Variants in ATXN1 observed in about 807,000 individuals in gnomAD.
The protein encoded by ATXN1 is ataxin 1, also known as ataxin-1.
Under a neutral mutation model 56.4 loss-of-function variants are expected in ATXN1, and 8 were observed. That is an observed-to-expected ratio of 0.14 (90% CI 0.08 to 0.26). ATXN1 has a LOEUF of 0.26. Among genes scored for constraint, ATXN1 ranks in the 10% least tolerant of loss-of-function variants. The pLI is 1.00. For synonymous variants in ATXN1, 514 were observed against 494.6 expected, an observed-to-expected ratio of 1.04 and a Z score of -0.52; for missense variants, 987 against 1,106.5, an observed-to-expected ratio of 0.89 and a Z score of 1.53.
rs1051159215 is a variant in ATXN1 at position 16,370,511 on chromosome 6, C to T, written c.-160-42041G>A. Among the ~76,000 whole-genome samples, 4 of 152,120 alleles carry T rather than the reference C, an allele frequency of 2.6e-5. No homozygotes were observed. The East Asian group carries it at 7.7e-4, about 29-fold the overall frequency. ...AAACTAATATTTCTAATGTACAATG[C>T]ACAACTAAGATAGCTTTTTTCTGAT... is the stretch of plus-strand genomic sequence containing the variant. On this transcript the variant is annotated intron_variant, in intron 6 of 7. Coordinates refer to ENST00000436367, the MANE Select transcript of ATXN1 (RefSeq NM_001128164.2).
At chr6:16,319,456 C>T (rs1247986432) in intron 7 of ATXN1, among the ~76,000 whole-genome samples, 1 of 151,980 alleles carries the variant, frequency 6.6e-6, no homozygotes, top group Non-Finnish European at 1.5e-5. Flanking sequence ...GTGTGGGGGA[C>T]AAATAGTTGA....
At chr6:16,376,276 T>TGGAACAAA (rs1762139818) in intron 6 of ATXN1, among the ~76,000 whole-genome samples, 1 of 152,144 alleles carries the variant, frequency 6.6e-6, no homozygotes, top group Non-Finnish European at 1.5e-5. Context: ...AAAATTACAC[T>TGGAACAAA]CTGGACTGAA....
chr6:16,578,847 G>T (rs1311968776), intron 4 of ATXN1, among the ~76,000 whole-genome samples: 1 of 152,208 alleles, frequency 6.6e-6, no homozygotes, highest in Non-Finnish European at 1.5e-5. Flanking sequence ...CTATATTCCA[G>T]CAGTGACACA....
intron 5 of ATXN1, among the ~76,000 whole-genome samples, chr6:16,501,125 G>A (rs1199286769): frequency 2.0e-5 from 3 of 152,184 alleles, no homozygotes; most frequent in African/African-American, 4.8e-5. Context: ...ACATATGCAC[G>A]CATGCACACA....
chr6:16,426,351 T>C (rs992216669), intron 6 of ATXN1, among the ~76,000 whole-genome samples: 3 of 151,542 alleles, frequency 2.0e-5, no homozygotes, highest in Admixed American at 6.6e-5. Flanking sequence ...GAATGAGAAA[T>C]TGCAATTATG....
At chr6:16,404,513 C>T (rs1026865963) in intron 6 of ATXN1, among the ~76,000 whole-genome samples, 2 of 152,138 alleles carry the variant, frequency 1.3e-5, no homozygotes, top group African/African-American at 2.4e-5. Flanking sequence ...TGATGGGACT[C>T]AAGAGATGCT....
intron 6 of ATXN1, among the ~76,000 whole-genome samples, chr6:16,438,924 T>C (rs747056776): frequency 2.6e-5 from 4 of 152,142 alleles, no homozygotes; most frequent in Admixed American, 2.6e-4. Context: ...GCAATTCAAG[T>C]TGCTATTCTG....
chr6:16,674,669 C>T (rs6913045), intron 2 of ATXN1, among the ~76,000 whole-genome samples: 91,090 of 151,676 alleles, frequency 0.6, 27,872 homozygotes, highest in East Asian at 0.73. Context: ...CAGAGAACTT[C>T]CTAAAGTTCA....
chr6:16,421,840 G>A (rs1478208845), intron 6 of ATXN1, among the ~76,000 whole-genome samples: 3 of 152,178 alleles, frequency 2.0e-5, no homozygotes, highest in Non-Finnish European at 4.4e-5. Flanking sequence ...CAGGGGCCAT[G>A]ACTGTGCATG....
chr6:16,712,780 G>A (rs756630353), intron 2 of ATXN1, among the ~76,000 whole-genome samples: 4 of 150,096 alleles, frequency 2.7e-5, no homozygotes, highest in Admixed American at 6.7e-5. Context: ...TAGGGCTAAC[G>A]TCCTGCCTGT....
At position 16,589,362 on chromosome 6, in the gene ATXN1, A is replaced by T. The variant is rs184640643; in HGVS notation, c.-488-3455T>A. Among the ~76,000 whole-genome samples the T allele has an allele frequency of 1.2e-3, 183 of 148,780 alleles. 1 individual carries two copies. In the Middle Eastern group the frequency reaches 0.024, roughly 19 times the overall value. On this transcript the variant is annotated intron_variant, in intron 3 of 7. Transcript: ENST00000436367. ...GTACAGCAGCGTGGCACATAAATTAACAACAACAAAAAAAAGAAATGTGTG... is the reference window on the plus strand; with the variant it reads ...GTACAGCAGCGTGGCACATAAATTATCAACAACAAAAAAAAGAAATGTGTG...
At chr6:16,719,491 T>C (rs1170550264) in intron 2 of ATXN1, among the ~76,000 whole-genome samples, 1 of 152,218 alleles carries the variant, frequency 6.6e-6, no homozygotes, top group East Asian at 1.9e-4. Context: ...GCATGTCATC[T>C]ACAACTAGAA....
chr6:16,703,770 G>A (rs534896189), intron 2 of ATXN1, among the ~76,000 whole-genome samples: 6 of 152,224 alleles, frequency 3.9e-5, no homozygotes, highest in African/African-American at 9.6e-5. Flanking sequence ...CTGTAATCCC[G>A]GCACTTTGGG....
intron 6 of ATXN1, among the ~76,000 whole-genome samples, chr6:16,455,835 T>C (rs1759855735): frequency 6.6e-6 from 1 of 152,162 alleles, no homozygotes; most frequent in Non-Finnish European, 1.5e-5. Context: ...TTTCCTGTCT[T>C]ATAAGAGGTT....
intron 6 of ATXN1, among the ~76,000 whole-genome samples, chr6:16,462,052 C>T (rs1760009986): frequency 6.6e-6 from 1 of 152,104 alleles, no homozygotes; most frequent in African/African-American, 2.4e-5. Context: ...TGGCAAAATA[C>T]CAACAAAACG....
chr6:16,609,073 G>A (rs1055619102), intron 3 of ATXN1, among the ~76,000 whole-genome samples: 1 of 152,156 alleles, frequency 6.6e-6, no homozygotes, highest in Non-Finnish European at 1.5e-5. Context: ...ACCAGAGAAA[G>A]CATCACATAA....
At chr6:16,737,415 T>C (rs1233115439) in intron 2 of ATXN1, 1 of 152,214 alleles carries the variant, frequency 6.6e-6, no homozygotes, top group Non-Finnish European at 1.5e-5. Flanking sequence ...TTTGAAGCTG[T>C]AGGGTGTATG....
At chr6:16,703,148 G>A (rs1398521533) in intron 2 of ATXN1, among the ~76,000 whole-genome samples, 3 of 152,058 alleles carry the variant, frequency 2.0e-5, no homozygotes, top group Admixed American at 6.6e-5. Context: ...ATACTATGCA[G>A]CCATAAAAAA....
In ATXN1 at chr6:16,410,760, A is replaced by T. The variant is rs1176942752; in HGVS notation, c.-161+75212T>A. 2.0e-5 allele frequency among the ~76,000 whole-genome samples: 3 copies of T among 152,218 alleles called. No homozygotes were observed. The highest frequency in any genetic ancestry group is 2.9e-5 in the Non-Finnish European group (2 of 68,040). ...ATACAACATCCGTGGAGCAAAGTGA[A>T]TTTGAAGTTAAGTCTCCTCTTAGTG... On this transcript the variant is annotated intron_variant, in intron 6 of 7. Coordinates refer to ENST00000436367, the MANE Select transcript of ATXN1 (RefSeq NM_001128164.2). This position sits in a 1 kb window ranked among gnomAD's most constrained non-coding sequence, Gnocchi z 4.6.
Sources: gnomAD v4.1 joint callset for allele counts (sites outside exome capture counted in the v4.1 genomes callset) on GRCh38, gnomAD v4.1.1 for gene constraint, Gnocchi (gnomAD v3.1) non-coding constraint, MANE v1.5 for transcripts, NCBI Gene and HGNC (gene_info 2026-07-23, HGNC 2026-07-21) for gene names.